OSBPL1A: variants seen among roughly 807,000 people sequenced by gnomAD.
OSBPL1A encodes oxysterol binding protein like 1A.
In OSBPL1A, 80 loss-of-function variants were observed where a neutral mutation model predicts 137.1. That is an observed-to-expected ratio of 0.58 (90% CI 0.49 to 0.70). The LOEUF (loss-of-function observed/expected upper bound fraction) is 0.70. Ranked by LOEUF, OSBPL1A falls within the 30% of genes least tolerant of loss-of-function variation. The pLI, the probability that OSBPL1A is intolerant of heterozygous loss-of-function variation, is 0.00. For missense variants in OSBPL1A, 970 were observed against 1,129.4 expected, an observed-to-expected ratio of 0.86 and a Z score of 2.02; for synonymous variants, 365 against 389.7, an observed-to-expected ratio of 0.94 and a Z score of 0.75.
chr18:24,175,154 A>ATT (rs2086414188), intron 21 of OSBPL1A, among the ~76,000 whole-genome samples: 1 of 141,670 alleles, frequency 7.1e-6, no homozygotes, highest in Non-Finnish European at 1.5e-5. Flanking sequence ...ATATATATAT[A>ATT]TGAAGTATCT....
At chr18:24,214,658 G>A (rs781030893) in intron 17 of OSBPL1A, among the ~76,000 whole-genome samples, 5 of 152,154 alleles carry the variant, frequency 3.3e-5, no homozygotes, top group African/African-American at 4.8e-5. Flanking sequence ...ATTGTTGATC[G>A]TTGAATGTAA....
rs866072430 is a variant in OSBPL1A, at chr18:24,218,107, T to C, written c.1601+6935A>G. On this transcript the variant is annotated intron_variant, in intron 17 of 27. Coordinates refer to ENST00000319481, the MANE Select transcript of OSBPL1A (RefSeq NM_080597.4). ...CAGTATGTAGAACTTTGGGATCCTATTACTAAATACCATTTTGGATCCAAT... is the reference window on the plus strand; with the variant it reads ...CAGTATGTAGAACTTTGGGATCCTACTACTAAATACCATTTTGGATCCAAT... 3.3e-5 allele frequency among the ~76,000 whole-genome samples: 5 copies of C among 152,148 alleles called. No homozygotes were observed. The South Asian group carries it at 1.0e-3, about 31-fold the overall frequency.
intron 13 of OSBPL1A, among the ~76,000 whole-genome samples, chr18:24,310,239 A>G (rs919575538): frequency 6.6e-6 from 1 of 151,930 alleles, no homozygotes; most frequent in African/African-American, 2.4e-5. Flanking sequence ...ACATTAAGGA[A>G]TAAACTGAAA....
Position 24,271,549 on chromosome 18 carries a change from C to T in OSBPL1A, c.1281+9293G>A. 6 of 986,978 alleles carry T rather than the reference C, an allele frequency of 6.1e-6. No individual in the cohort carries two copies. The highest frequency in any genetic ancestry group is 6.0e-6 in the Non-Finnish European group (5 of 831,170). The allele number at this position is 986,978 out of a possible 1,614,324, so 61.1% of individuals were successfully genotyped here. A position where few individuals can be genotyped will look rare whatever the true frequency, so the allele number is the denominator to read the frequency against. On this transcript the variant is annotated intron_variant, in intron 15 of 27. Transcript: ENST00000319481. The surrounding 1 kb of genome is among the most constrained non-coding windows in gnomAD (Gnocchi z 4.0). ...GGATCAAGTCTGGCCGCCCTCCCCG[C>T]TCCGTCCCCCGGCGTCCTCCGTGGC...
chr18:24,258,775 T>A (rs1328872475), intron 15 of OSBPL1A, among the ~76,000 whole-genome samples: 1 of 152,092 alleles, frequency 6.6e-6, no homozygotes, highest in Non-Finnish European at 1.5e-5. Flanking sequence ...AATGCTAAAT[T>A]GCCTCATAGT....
chr18:24,221,208 T>C (rs1201394407), intron 17 of OSBPL1A, among the ~76,000 whole-genome samples: 2 of 152,236 alleles, frequency 1.3e-5, no homozygotes, highest in Non-Finnish European at 2.9e-5. Context: ...GGTATTTTCT[T>C]AGCTTACGTT....
intron 18 of OSBPL1A, 103 bp from the exon 19 acceptor site, chr18:24,181,382 T>A: frequency 8.0e-7 from 1 of 1,243,448 alleles, no homozygotes; most frequent in Non-Finnish European, 1.1e-6. Flanking sequence ...GAACAGAAAC[T>A]AGCAACCCAT....
intron 15 of OSBPL1A, among the ~76,000 whole-genome samples, chr18:24,246,497 AAAG>A (rs1384608893): frequency 1.3e-5 from 2 of 151,918 alleles, no homozygotes; most frequent in African/African-American, 4.8e-5. Context: ...GAGTAGAATA[AAAG>A]AAGATCCCAG....
At chr18:24,165,954 G>A (rs1166516073) in intron 26 of OSBPL1A, among the ~76,000 whole-genome samples, 4 of 152,072 alleles carry the variant, frequency 2.6e-5, no homozygotes, top group South Asian at 2.1e-4. Flanking sequence ...AAAATTAGCC[G>A]GGTGTGGTGG....
chr18:24,358,596 T>C, intron 4 of OSBPL1A: 1 of 692,488 alleles, frequency 1.4e-6, no homozygotes, highest in South Asian at 1.5e-5. Flanking sequence ...GGGCATCGCC[T>C]GAAACACAGT....
chr18:24,241,875 C>A (rs1371236001), intron 15 of OSBPL1A, among the ~76,000 whole-genome samples: 1 of 152,086 alleles, frequency 6.6e-6, no homozygotes, highest in Non-Finnish European at 1.5e-5. Context: ...TGGAACCAAC[C>A]CAAATGCCCA....
At chr18:24,299,512 A>C (rs1369967887) in intron 14 of OSBPL1A, among the ~76,000 whole-genome samples, 1 of 151,432 alleles carries the variant, frequency 6.6e-6, no homozygotes, top group Non-Finnish European at 1.5e-5. Flanking sequence ...TTCTGGATAC[A>C]AAAAAAAAGT....
At chr18:24,279,298 G>A (rs115443346) in intron 15 of OSBPL1A, among the ~76,000 whole-genome samples, 10 of 151,054 alleles carry the variant, frequency 6.6e-5, no homozygotes, top group African/African-American at 1.9e-4. Flanking sequence ...GCATCATGGT[G>A]CATGCCAGTA....
intron 15 of OSBPL1A, among the ~76,000 whole-genome samples, chr18:24,245,398 T>C (rs969522457): frequency 2.0e-5 from 3 of 152,162 alleles, no homozygotes; most frequent in Admixed American, 6.5e-5. Context: ...CTGATGCTTA[T>C]TGCTGTGGCT....
intron 17 of OSBPL1A, among the ~76,000 whole-genome samples, chr18:24,220,335 A>G (rs9962319): frequency 0.62 from 94,480 of 151,634 alleles, 31,523 homozygotes; most frequent in Non-Finnish European, 0.74. Context: ...GGGAGAGTTG[A>G]GATAGGCTTG....
In OSBPL1A at chr18:24,252,944, C is replaced by A. The variant is rs1599566841; in HGVS notation, c.1282-13562G>T. Among the ~76,000 whole-genome samples the A allele has an allele frequency of 2.0e-5, 3 of 151,074 alleles. No homozygotes were observed. The East Asian group carries it at 5.8e-4, about 29-fold the overall frequency. ...ACAGTATTTGCAAGCCTCACAGTAG[C>A]CTCAAATCGAAAAACATACAATACA... is the stretch of plus-strand genomic sequence containing the variant. On this transcript the variant is annotated intron_variant, in intron 15 of 27. Coordinates refer to ENST00000319481, the MANE Select transcript of OSBPL1A (RefSeq NM_080597.4).
chr18:24,353,207 A>T (rs2091473509), intron 4 of OSBPL1A, among the ~76,000 whole-genome samples: 1 of 152,204 alleles, frequency 6.6e-6, no homozygotes, highest in African/African-American at 2.4e-5. Flanking sequence ...CAATGAACTC[A>T]AACAAATTTA....
intron 16 of OSBPL1A, among the ~76,000 whole-genome samples, chr18:24,226,887 ATT>A (rs5823416): frequency 1.4e-3 from 146 of 100,828 alleles, no homozygotes; most frequent in East Asian, 4.9e-3. Context: ...AAAGAAACAG[ATT>A]TTTTTTTTTT....
intron 16 of OSBPL1A, among the ~76,000 whole-genome samples, chr18:24,237,630 A>G (rs2146005842): frequency 1.3e-5 from 2 of 152,308 alleles, no homozygotes; most frequent in Middle Eastern, 6.8e-3. Flanking sequence ...TTAAAAAAGA[A>G]TATATAACAT....
Sources: allele counts gnomAD v4.1 joint callset (sites outside exome capture counted in the v4.1 genomes callset), GRCh38; gene constraint gnomAD v4.1.1; non-coding constraint Gnocchi (gnomAD v3.1); transcripts MANE v1.5; gene names NCBI Gene and HGNC (gene_info 2026-07-23, HGNC 2026-07-21).